Variants in SPTB observed in about 807,000 individuals in gnomAD.
SPTB encodes the protein spectrin beta chain, erythrocytic.
A neutral mutation model predicts 256.2 loss-of-function variants in SPTB; 45 were observed. The observed-to-expected ratio is 0.18, with a 90% confidence interval of 0.14 to 0.23. SPTB has a LOEUF of 0.23. Among genes scored for constraint, SPTB ranks in the 10% least tolerant of loss-of-function variants. SPTB has a pLI of 1.00. For missense variants in SPTB, 2,715 were observed against 3,040.4 expected (o/e 0.89, Z 2.52); for synonymous variants, 1,231 against 1,243.1 (o/e 0.99, Z 0.21).
At chr14:64,800,379 G>A (rs2082860130) in intron 8 of SPTB, among the ~76,000 whole-genome samples, 2 of 152,230 alleles carry the variant, frequency 1.3e-5, no homozygotes, top group Admixed American at 6.5e-5. Context: ...CAGAGGGAAG[G>A]AATCTGGCAT....
At position 64,793,167 on chromosome 14, in the gene SPTB, C is replaced by T. The variant is rs1278294583; in HGVS notation, c.2496G>A (p.Gln832=). The stretch of plus-strand genomic sequence containing the variant: ...GACGCAGGTCCGCCTGGGCCACCAC[C>T]TGTTGGTAGAGCTCCCGCAGGGCCT... ...RLQALRELYQ[Q]VVAQADLRQQ... is the part of the protein sequence containing the mutation. The change falls in exon 14 of 36, where the codon CAG becomes CAA. Residue 832 remains glutamine, a synonymous_variant. Coordinates refer to ENST00000644917, the MANE Select transcript of SPTB (RefSeq NM_001355436.2). The surrounding 1 kb of genome is among the most constrained non-coding windows in gnomAD (Gnocchi z 7.0). 2 of 1,613,970 alleles carry T rather than the reference C, an allele frequency of 1.2e-6. No individual in the cohort carries two copies. The highest frequency in any genetic ancestry group is 2.2e-5 in the East Asian group (1 of 44,884).
Position 64,764,277 on chromosome 14 carries a change from T to C in SPTB, c.6345+2449A>G, listed in dbSNP as rs866721287. 8.5e-5 allele frequency among the ~76,000 whole-genome samples: 13 copies of C among 152,366 alleles called. 1 individual carries two copies. The highest frequency in any genetic ancestry group is 3.1e-4 in the African/African-American group (13 of 41,590). On this transcript the variant is annotated intron_variant, in intron 32 of 35. Transcript: ENST00000644917. This position sits in a 1 kb window ranked among gnomAD's most constrained non-coding sequence, Gnocchi z 4.2. Reference sequence around the variant, plus strand: ...CAGGTTGGGCTTTCCCGACAGGCTCTGTCCTCCTCTTTCTTGCATCGAAGG... The same window carrying C: ...CAGGTTGGGCTTTCCCGACAGGCTCCGTCCTCCTCTTTCTTGCATCGAAGG...
intron 9 of SPTB, 55 bp from the exon 10 acceptor site, chr14:64,797,901 T>A (rs2082807570): frequency 7.1e-7 from 1 of 1,406,880 alleles, no homozygotes; most frequent in Admixed American, 1.7e-5. Flanking sequence ...GGCCAAATTT[T>A]TTTGCTAAAG....
Position 64,826,296 on chromosome 14 carries a change from C to G in SPTB, c.-51-3151G>C, listed in dbSNP as rs768915256. Among the ~76,000 whole-genome samples the G allele has an allele frequency of 6.6e-6, 1 of 152,154 alleles. No homozygotes were observed. The highest frequency in any genetic ancestry group is 6.5e-5 in the Admixed American group (1 of 15,278). On this transcript the variant is annotated intron_variant, in intron 1 of 35. Transcript: ENST00000644917. This position sits in a 1 kb window ranked among gnomAD's most constrained non-coding sequence, Gnocchi z 4.4. ...TCCAAAACCAGATTTAACCCATTCT[C>G]GGCGTCACCATGTCTCTTTCCATAC...
chr14:64,786,030 C>T lies in SPTB; in HGVS notation c.3562-79G>A, dbSNP rs780436137. 24 of 1,434,736 alleles carry T rather than the reference C, an allele frequency of 1.7e-5. No homozygotes were observed. Among genetic ancestry groups the T allele is most frequent in the East Asian group, 1.4e-4 (6 of 43,968 alleles). 88.9% of individuals were successfully genotyped at this position (1,434,736 alleles called of 1,614,324 possible). A position where few individuals can be genotyped will look rare whatever the true frequency, so the allele number is the denominator to read the frequency against. Reference sequence around the variant, plus strand: ...GCACACCTCCCAAGTGGGAGCACCACGTGCAGCCACACAGGCCACGGTATG... The same window carrying T: ...GCACACCTCCCAAGTGGGAGCACCATGTGCAGCCACACAGGCCACGGTATG... On this transcript the variant is annotated intron_variant, in intron 16 of 35. Transcript: ENST00000644917. This position sits in a 1 kb window ranked among gnomAD's most constrained non-coding sequence, Gnocchi z 5.6.
chr14:64,822,824 C>T lies in SPTB; in HGVS notation c.148+123G>A, dbSNP rs1370756521. 9.0e-6 allele frequency: 13 copies of T among 1,451,830 alleles called. No individual in the cohort carries two copies. The African/African-American group carries it at 1.4e-4, about 16-fold the overall frequency. The allele number at this position is 1,451,830 out of a possible 1,614,324, so 89.9% of individuals were successfully genotyped here. A position where few individuals can be genotyped will look rare whatever the true frequency, so the allele number is the denominator to read the frequency against. On this transcript the variant is annotated intron_variant, in intron 2 of 35. Coordinates refer to ENST00000644917, the MANE Select transcript of SPTB (RefSeq NM_001355436.2). ...CCCACCTCCCTGAGCCCGACAAACA[C>T]GTCTCCATCACTGCCATGCCAGGGC...
intron 2 of SPTB, among the ~76,000 whole-genome samples, chr14:64,814,513 CTTAT>C (rs746746016): frequency 1.3e-5 from 2 of 151,814 alleles, no homozygotes; most frequent in East Asian, 1.9e-4. Context: ...TATCTTATTG[CTTAT>C]TTATTTATTT....
intron 32 of SPTB, chr14:64,754,995 C>T (rs2082001258): frequency 1.3e-5 from 2 of 152,470 alleles, no homozygotes; most frequent in South Asian, 4.1e-4. Flanking sequence ...GACTGCTAAA[C>T]ACCTTTCAGC....
intron 1 of SPTB, among the ~76,000 whole-genome samples, chr14:64,842,142 G>A (rs1007072085): frequency 1.7e-4 from 26 of 152,394 alleles, no homozygotes; most frequent in Middle Eastern, 3.4e-3. Context: ...CCAGGAAGGC[G>A]CGTGTGCGGG....
At chr14:64,820,974 G>A (rs1048867356) in intron 2 of SPTB, among the ~76,000 whole-genome samples, 1 of 152,046 alleles carries the variant, frequency 6.6e-6, no homozygotes, top group African/African-American at 2.4e-5. Flanking sequence ...TACCACGCCC[G>A]GCTTTGTGCT....
chr14:64,769,526 T>G, intron 28 of SPTB, 64 bp downstream of exon 28: 2 of 1,603,092 alleles, frequency 1.2e-6, no homozygotes, highest in South Asian at 2.2e-5. Context: ...CCCAGGAGGC[T>G]GCCTGGCTGG....
At chr14:64,813,780 C>G (rs1260722123) in intron 2 of SPTB, among the ~76,000 whole-genome samples, 1 of 152,194 alleles carries the variant, frequency 6.6e-6, no homozygotes, top group Admixed American at 6.5e-5. Context: ...CCTGCCTTGG[C>G]CTCCAAAAGT....
At chr14:64,766,498 T>A in intron 32 of SPTB, 1 of 1,447,202 alleles carries the variant, frequency 6.9e-7, no homozygotes, top group African/African-American at 1.4e-5. Flanking sequence ...GGCTGGCCTG[T>A]TTCCTCTGCG....
In SPTB at chr14:64,794,591, C is replaced by T. The variant is rs773839341; in HGVS notation, c.1671G>A (p.Gly557=). The T allele has an allele frequency of 1.2e-6, 2 of 1,614,176 alleles. No individual in the cohort carries two copies. Among genetic ancestry groups the T allele is most frequent in the East Asian group, 4.5e-5 (2 of 44,886 alleles). Residue 557 remains glycine, a synonymous_variant, in exon 13 of 36, where the codon GGG becomes GGA. Coordinates refer to ENST00000644917, the MANE Select transcript of SPTB (RefSeq NM_001355436.2). The part of the protein sequence containing the change: ...IKAHLLSAEF[G]KHLLEVEDLL... ...GGTCTTCAACCTCCAACAAGTGCTT[C>T]CCAAACTCGGCAGACAAGAGGTGAG...
At chr14:64,768,994 T>G (rs1594755165) in intron 29 of SPTB, 40 bp downstream of exon 29, 1 of 1,537,470 alleles carries the variant, frequency 6.5e-7, no homozygotes, top group Non-Finnish European at 9.0e-7. Flanking sequence ...CCTGCGGGGG[T>G]ACTCCTGCCC....
intron 1 of SPTB, among the ~76,000 whole-genome samples, chr14:64,835,386 C>T (rs1479721551): frequency 6.6e-6 from 1 of 152,210 alleles, no homozygotes; most frequent in East Asian, 1.9e-4. Flanking sequence ...GCTGGGATTA[C>T]AGGCACTCGC....
rs2083004283 is a variant in SPTB at position 64,807,370 on chromosome 14, C to T, written c.149-2280G>A. Among the ~76,000 whole-genome samples, 1 of 152,208 alleles carries T rather than the reference C, an allele frequency of 6.6e-6. No individual in the cohort carries two copies. The highest frequency in any genetic ancestry group is 6.5e-5 in the Admixed American group (1 of 15,288). The stretch of plus-strand genomic sequence containing the variant: ...GGGAACATGGATTAATTCTAGGCCA[C>T]TGGGCTGGTGCATTTATTGGTGCAG... On this transcript the variant is annotated intron_variant, in intron 2 of 35. Transcript: ENST00000644917. The surrounding 1 kb of genome is among the most constrained non-coding windows in gnomAD (Gnocchi z 4.7).
At position 64,824,723 on chromosome 14, in the gene SPTB, C is replaced by T. The variant is rs929369063; in HGVS notation, c.-51-1578G>A. Among the ~76,000 whole-genome samples, 2 of 152,176 alleles carry T rather than the reference C, an allele frequency of 1.3e-5. No homozygotes were observed. Among genetic ancestry groups the T allele is most frequent in the African/African-American group, 4.8e-5 (2 of 41,432 alleles). On this transcript the variant is annotated intron_variant, in intron 1 of 35. Transcript: ENST00000644917. The surrounding 1 kb of genome is among the most constrained non-coding windows in gnomAD (Gnocchi z 5.7). ...TATCTGACACACTGACACACACCAG[C>T]ACACACATGCACATCCACCAGGCAC... is the stretch of plus-strand genomic sequence containing the variant.
rs535062308 is a variant in SPTB, at chr14:64,777,946, CACTT to C, written c.4563+1207_4563+1210del. Reference sequence around the variant, plus strand: ...GGAGTTAAAAACCTTTGAACAATAACACTTACAGAGGCTGCATAGAATCAAAAAT... The same window carrying C: ...GGAGTTAAAAACCTTTGAACAATAACACAGAGGCTGCATAGAATCAAAAAT... On this transcript the variant is annotated intron_variant, in intron 22 of 35. Coordinates refer to ENST00000644917, the MANE Select transcript of SPTB (RefSeq NM_001355436.2). This position sits in a 1 kb window ranked among gnomAD's most constrained non-coding sequence, Gnocchi z 4.5. Among the ~76,000 whole-genome samples the C allele has an allele frequency of 1.3e-5, 2 of 152,240 alleles. No individual in the cohort carries two copies. The highest frequency in any genetic ancestry group is 4.1e-4 in the South Asian group (2 of 4,822).
Sources: allele counts gnomAD v4.1 joint callset (sites outside exome capture counted in the v4.1 genomes callset), GRCh38; gene constraint gnomAD v4.1.1; non-coding constraint Gnocchi (gnomAD v3.1); transcripts MANE v1.5; gene names NCBI Gene and HGNC (gene_info 2026-07-23, HGNC 2026-07-21).